CUX2: variants seen among roughly 807,000 people sequenced by gnomAD.
CUX2 encodes the protein homeobox protein cut-like 2.
In CUX2, 40 loss-of-function variants were observed where a neutral mutation model predicts 144.8. That is an observed-to-expected ratio of 0.28 (90% CI 0.21 to 0.36). The LOEUF is 0.36. Among genes scored for constraint, CUX2 ranks in the 10% least tolerant of loss-of-function variants. CUX2 has a pLI of 1.00. For synonymous variants in CUX2, 827 were observed against 875.6 expected (o/e 0.94, Z 0.98); for missense variants, 1,615 against 1,994.0 (o/e 0.81, Z 3.62).
At chr12:111,326,893 ACT>A (rs1887847473) in intron 18 of CUX2, among the ~76,000 whole-genome samples, 2 of 152,234 alleles carry the variant, frequency 1.3e-5, no homozygotes, top group South Asian at 2.1e-4. Flanking sequence ...ACAGAGTGAG[ACT>A]CTGTCTCAAA....
In CUX2 at chr12:111,072,680, G is replaced by A. The variant is rs1871299434; in HGVS notation, c.63+38440G>A. On this transcript the variant is annotated intron_variant, in intron 1 of 21. Coordinates refer to ENST00000261726, the MANE Select transcript of CUX2 (RefSeq NM_015267.4). ...TAAAATTGATTAAAATACTGGGCTG[G>A]ATGGATAAAATACCTGATTACTGGC... Among the ~76,000 whole-genome samples, 4 of 152,202 alleles carry A rather than the reference G, an allele frequency of 2.6e-5. No homozygotes were observed. The South Asian group carries it at 8.3e-4, about 32-fold the overall frequency.
rs1870779611 is a variant in CUX2, at chr12:111,061,677, C to T, written c.63+27437C>T. Among the ~76,000 whole-genome samples, 1 of 152,182 alleles carries T rather than the reference C, an allele frequency of 6.6e-6. No homozygotes were observed. The highest frequency in any genetic ancestry group is 2.4e-5 in the African/African-American group (1 of 41,438). On this transcript the variant is annotated intron_variant, in intron 1 of 21. Coordinates refer to ENST00000261726, the MANE Select transcript of CUX2 (RefSeq NM_015267.4). This position sits in a 1 kb window ranked among gnomAD's most constrained non-coding sequence, Gnocchi z 4.2. ...GTCATTTTGCTGTCTTTCGGACAAG[C>T]GTTTTACCTGCCCGATGTTCTGTGA...
chr12:111,181,156 G>T (rs891538610), intron 1 of CUX2, among the ~76,000 whole-genome samples: 1 of 152,248 alleles, frequency 6.6e-6, no homozygotes, highest in African/African-American at 2.4e-5. Flanking sequence ...GCCGCCTTTG[G>T]GGTGGTCTGT....
intron 3 of CUX2, among the ~76,000 whole-genome samples, chr12:111,238,665 G>A (rs1320579445): frequency 6.6e-6 from 1 of 152,120 alleles, no homozygotes; most frequent in African/African-American, 2.4e-5. Context: ...GGATACAGCA[G>A]TGAACAAGAA....
intron 18 of CUX2, among the ~76,000 whole-genome samples, chr12:111,325,421 T>C (rs561870357): frequency 6.6e-6 from 1 of 152,326 alleles, no homozygotes; most frequent in South Asian, 2.1e-4. Context: ...GGACTGTTTA[T>C]CATTTCCATT....
chr12:111,071,105 A>G (rs1322222497), intron 1 of CUX2, among the ~76,000 whole-genome samples: 15 of 143,088 alleles, frequency 1.0e-4, no homozygotes, highest in African/African-American at 3.4e-4. Flanking sequence ...TTTTTTGTGG[A>G]CATAAGTTTT....
Position 111,256,195 on chromosome 12 carries a change from C to G in CUX2, c.223-7566C>G, listed in dbSNP as rs567648098. Among the ~76,000 whole-genome samples the G allele has an allele frequency of 5.3e-5, 8 of 152,218 alleles. No homozygotes were observed. In the South Asian group the frequency reaches 1.5e-3, roughly 28 times the overall value. ...CAAACCTATCTCCCACCACAGCCCC[C>G]CTAGCTCTCCATGGCCCTCCTTTCT... On this transcript the variant is annotated intron_variant, in intron 3 of 21. Transcript: ENST00000261726.
At chr12:111,299,034 C>T (rs1056037892) in intron 9 of CUX2, among the ~76,000 whole-genome samples, 1 of 152,234 alleles carries the variant, frequency 6.6e-6, no homozygotes, top group South Asian at 2.1e-4. Context: ...CAGAGTCAGG[C>T]AGGACTTTAA....
At chr12:111,148,254 AC>A (rs1876822775) in intron 1 of CUX2, among the ~76,000 whole-genome samples, 1 of 152,168 alleles carries the variant, frequency 6.6e-6, no homozygotes, top group Admixed American at 6.5e-5. Context: ...AAGACATCAT[AC>A]TAAGTGAAAG....
intron 1 of CUX2, chr12:111,100,189 GTGTGTGTGTGTGTA>G (rs923336538): frequency 1.3e-5 from 5 of 391,354 alleles, no homozygotes; most frequent in East Asian, 7.2e-5. Context: ...GACTGTGTGT[GTGTGTGTGTGTGTA>G]TGTGTGTGTG....
At chr12:111,227,056 C>G (rs1882187289) in intron 3 of CUX2, among the ~76,000 whole-genome samples, 1 of 152,064 alleles carries the variant, frequency 6.6e-6, no homozygotes, top group Admixed American at 6.5e-5. Context: ...CCGCAACAGC[C>G]CCACCGACAC....
chr12:111,308,343 C>T lies in CUX2; in HGVS notation c.1158+10C>T. ...CTGCAGCCTCCCCCAGGTAAGTGTCCCTGCCACCATCCCTGCAGGGCAGGC... is the reference window on the plus strand; with the variant it reads ...CTGCAGCCTCCCCCAGGTAAGTGTCTCTGCCACCATCCCTGCAGGGCAGGC... On this transcript the variant is annotated intron_variant, in intron 13 of 21. Coordinates refer to ENST00000261726, the MANE Select transcript of CUX2 (RefSeq NM_015267.4). The T allele has an allele frequency of 6.2e-7, 1 of 1,614,172 alleles. No individual in the cohort carries two copies. The highest frequency in any genetic ancestry group is 8.5e-7 in the Non-Finnish European group (1 of 1,180,022).
rs1007801580 is a variant in CUX2, at chr12:111,239,996, C to T, written c.222+22059C>T. Among the ~76,000 whole-genome samples, 7 of 152,208 alleles carry T rather than the reference C, an allele frequency of 4.6e-5. No individual in the cohort carries two copies. In the South Asian group the frequency reaches 1.4e-3, roughly 31 times the overall value. Reference sequence around the variant, plus strand: ...AGAAACAAAAATGCGGCCAAGTGAGCTTCACAGCAGAATTGGTTATAATAT... The same window carrying T: ...AGAAACAAAAATGCGGCCAAGTGAGTTTCACAGCAGAATTGGTTATAATAT... On this transcript the variant is annotated intron_variant, in intron 3 of 21. Coordinates refer to ENST00000261726, the MANE Select transcript of CUX2 (RefSeq NM_015267.4).
Position 111,226,277 on chromosome 12 carries a change from C to G in CUX2, c.222+8340C>G, listed in dbSNP as rs183227477. 6.1e-4 allele frequency among the ~76,000 whole-genome samples: 93 copies of G among 152,282 alleles called. 1 individual carries two copies. The East Asian group carries it at 0.016, about 27-fold the overall frequency. ...CTCCCTCCTCTTTGATAACAGAATT[C>G]CTTTGATGGTGCATGCTCCTTGGCT... On this transcript the variant is annotated intron_variant, in intron 3 of 21. Transcript: ENST00000261726.
rs190020980 is a variant in CUX2 at position 111,063,811 on chromosome 12, C to T, written c.63+29571C>T. ...TCATTATTGCACTCCGAGCTGCAGA[C>T]GGAGGCAATGGGGTTTAATAGTTCC... is the stretch of plus-strand genomic sequence containing the variant. On this transcript the variant is annotated intron_variant, in intron 1 of 21. Transcript: ENST00000261726. 1.4e-3 allele frequency among the ~76,000 whole-genome samples: 206 copies of T among 152,324 alleles called. 1 individual carries two copies. The highest frequency in any genetic ancestry group is 4.1e-4 in the Non-Finnish European group (28 of 68,038).
chr12:111,154,059 G>A (rs772912270), intron 1 of CUX2, among the ~76,000 whole-genome samples: 8 of 151,996 alleles, frequency 5.3e-5, no homozygotes, highest in Non-Finnish European at 2.9e-5. Flanking sequence ...TTTTTACCTC[G>A]TTAAAAGACC....
Position 111,320,117 on chromosome 12 carries a change from A to G in CUX2, c.2108A>G (p.Glu703Gly), listed in dbSNP as rs1887438599. The G allele has an allele frequency of 2.6e-6, 4 of 1,557,642 alleles. No individual in the cohort carries two copies. The South Asian group carries it at 3.5e-5, about 14-fold the overall frequency. ...AGCATCCTGGAGCAGGCACGCCGTGAGATGCAGGCGCAACAGCAGGCGCTG... is the reference window on the plus strand; with the variant it reads ...AGCATCCTGGAGCAGGCACGCCGTGGGATGCAGGCGCAACAGCAGGCGCTG... ...IKSILEQARREMQAQQQALLE... is the reference protein window; with the variant it reads ...IKSILEQARRGMQAQQQALLE... The change falls in exon 17 of 22, where the codon GAG becomes GGG. Residue 703 changes from glutamate to glycine, a missense_variant. Physicochemically the swap from Glu to Gly is moderately conservative, Grantham distance 98. Coordinates refer to ENST00000261726, the MANE Select transcript of CUX2 (RefSeq NM_015267.4). This position sits in a 1 kb window ranked among gnomAD's most constrained non-coding sequence, Gnocchi z 8.1.
At chr12:111,157,815 T>C (rs1387091293) in intron 1 of CUX2, among the ~76,000 whole-genome samples, 1 of 152,158 alleles carries the variant, frequency 6.6e-6, no homozygotes, top group Non-Finnish European at 1.5e-5. Flanking sequence ...GGGATAGTAG[T>C]GTATAGCTTT....
chr12:111,310,303 C>G lies in CUX2; in HGVS notation c.1521C>G (p.Phe507Leu). 2.7e-6 allele frequency: 4 copies of G among 1,492,534 alleles called. No homozygotes were observed. The South Asian group carries it at 4.1e-5, about 15-fold the overall frequency. The allele number at this position is 1,492,534 out of a possible 1,614,324, so 92.5% of individuals were successfully genotyped here. A position where few individuals can be genotyped will look rare whatever the true frequency, so the allele number is the denominator to read the frequency against. ...FKGEAGGLLV[F>L]PPAFYGAKPP... ...GAGAGGCGGGCGGCCTGCTGGTGTTCCCCCCAGCCTTCTATGGCGCCAAGC... is the reference window on the plus strand; with the variant it reads ...GAGAGGCGGGCGGCCTGCTGGTGTTGCCCCCAGCCTTCTATGGCGCCAAGC... The change falls in exon 15 of 22, where the codon TTC becomes TTG. Residue 507 changes from phenylalanine (F) to leucine (L), a missense_variant. Phe to Leu is a conservative substitution (Grantham distance 22, BLOSUM62 0). Around this residue, in one of 12 missense-constraint regions of CUX2, gnomAD observed 154 missense variants for 148.4 expected, o/e 1.04. Coordinates refer to ENST00000261726, the MANE Select transcript of CUX2 (RefSeq NM_015267.4). This position sits in a 1 kb window ranked among gnomAD's most constrained non-coding sequence, Gnocchi z 7.9.
Sources: gnomAD v4.1 joint callset for allele counts (sites outside exome capture counted in the v4.1 genomes callset) on GRCh38, gnomAD v4.1.1 for gene constraint, gnomAD v4.1.1 regional missense constraint, Gnocchi (gnomAD v3.1) non-coding constraint, MANE v1.5 for transcripts, NCBI Gene and HGNC (gene_info 2026-07-23, HGNC 2026-07-21) for gene names.